Variants in TSBP1 observed in about 807,000 individuals in gnomAD.
TSBP1 encodes the protein testis-expressed basic protein 1.
TSBP1 carries 56 observed loss-of-function variants against 68.8 expected under a neutral mutation model. That is an observed-to-expected ratio of 0.81 (90% CI 0.66 to 1.02). TSBP1 has a LOEUF of 1.02. Among genes scored for constraint, TSBP1 ranks in the 50% least tolerant of loss-of-function variants. TSBP1 has a pLI of 0.00. For missense variants in TSBP1, 502 were observed against 641.2 expected (o/e 0.78, Z 2.34); for synonymous variants, 171 against 208.7 (o/e 0.82, Z 1.56).
chr6:32,310,761 A>ATATATTTTT lies in TSBP1; in HGVS notation c.580+5010_580+5011insAAAAATATA. Among the ~76,000 whole-genome samples the ATATATTTTT allele has an allele frequency of 1.7e-4, 25 of 144,834 alleles. No homozygotes were observed. The East Asian group carries it at 4.8e-3, about 28-fold the overall frequency. On this transcript the variant is annotated intron_variant, in intron 19 of 22. Coordinates refer to ENST00000612031, the Ensembl canonical transcript of TSBP1. ...TATATATACATATATATATATATAT[A>ATATATTTTT]TTTTTAATCTTTTTAGAAAGGATAG...
intron 6 of TSBP1, among the ~76,000 whole-genome samples, chr6:32,364,062 A>T (rs1773370086): frequency 6.6e-6 from 1 of 152,116 alleles, no homozygotes; most frequent in Non-Finnish European, 1.5e-5. Context: ...TCATCCCACT[A>T]TGTACTGGCC....
At position 32,292,913 on chromosome 6, in the gene TSBP1, A is replaced by G. The variant is rs1237176555; in HGVS notation, c.*68T>C. 3 of 911,780 alleles carry G rather than the reference A, an allele frequency of 3.3e-6. No individual in the cohort carries two copies. In the African/African-American group the frequency reaches 5.0e-5, roughly 15 times the overall value. 56.5% of individuals were successfully genotyped at this position (911,780 alleles called of 1,614,324 possible). ...AATCTGTTTAGGCAATGGCTGGGAT[A>G]TGGTTTGTATCTGGAGTATGGGAAT... On this transcript the variant is annotated 3_prime_UTR_variant, in exon 23 of 23. Transcript: ENST00000612031. This position sits in a 1 kb window ranked among gnomAD's most constrained non-coding sequence, Gnocchi z 4.1.
intron 9 of TSBP1, among the ~76,000 whole-genome samples, chr6:32,348,604 A>C (rs572898691): frequency 7.5e-4 from 111 of 147,572 alleles, no homozygotes; most frequent in Middle Eastern, 3.4e-3. Context: ...TTGGATTGGA[A>C]GAGTAAACAC....
intron 9 of TSBP1, among the ~76,000 whole-genome samples, chr6:32,344,371 T>A (rs1190303962): frequency 6.6e-6 from 1 of 150,872 alleles, no homozygotes; most frequent in Non-Finnish European, 1.5e-5. Flanking sequence ...ACTAAAGCCC[T>A]GTGTTCTTGG....
rs973036 is a variant in TSBP1 at position 32,337,366 on chromosome 6, C to A, written c.410-731G>T. ...CAGGCAGCGTTCCTTCCCCTTTCCCCACGGGTGTCCTGCTTGTATCTCAGG... is the reference window on the plus strand; with the variant it reads ...CAGGCAGCGTTCCTTCCCCTTTCCCAACGGGTGTCCTGCTTGTATCTCAGG... On this transcript the variant is annotated intron_variant, in intron 11 of 22. Coordinates refer to ENST00000612031, the Ensembl canonical transcript of TSBP1. This position sits in a 1 kb window ranked among gnomAD's most constrained non-coding sequence, Gnocchi z 5.5. Among the ~76,000 whole-genome samples the A allele has an allele frequency of 6.6e-6, 1 of 151,720 alleles. No homozygotes were observed. Among genetic ancestry groups the A allele is most frequent in the African/African-American group, 2.4e-5 (1 of 41,346 alleles).
intron 6 of TSBP1, among the ~76,000 whole-genome samples, chr6:32,356,245 C>A (rs1040253839): frequency 6.6e-6 from 1 of 152,076 alleles, no homozygotes. Flanking sequence ...ATCATAATAT[C>A]ATTTGCTATT....
chr6:32,353,436 A>G (rs1421692043), intron 8 of TSBP1, among the ~76,000 whole-genome samples: 3 of 151,962 alleles, frequency 2.0e-5, no homozygotes, highest in Non-Finnish European at 4.4e-5. Context: ...ATTGAAGGGT[A>G]TATGAGAAAA....
At chr6:32,330,124 A>T (rs3132958) in intron 16 of TSBP1, among the ~76,000 whole-genome samples, 1 of 151,712 alleles carries the variant, frequency 6.6e-6, no homozygotes, top group Non-Finnish European at 1.5e-5. Context: ...TTGGAGAGAA[A>T]ACTGTAGAAC....
intron 8 of TSBP1, 118 bp downstream of exon 8, chr6:32,355,006 G>A (rs1772122931): frequency 4.1e-6 from 3 of 731,034 alleles, no homozygotes. Context: ...TGATATACAA[G>A]TGTTAATTAT....
chr6:32,368,876 T>C, intron 2 of TSBP1, 62 bp from the exon 3 acceptor site: 1 of 1,542,706 alleles, frequency 6.5e-7, no homozygotes, highest in Admixed American at 1.9e-5. Flanking sequence ...CTTCCTCTGA[T>C]CAAACTCTTC....
chr6:32,351,291 A>C (rs1194542340), intron 8 of TSBP1, among the ~76,000 whole-genome samples: 1 of 152,148 alleles, frequency 6.6e-6, no homozygotes, highest in Non-Finnish European at 1.5e-5. Context: ...CTGTTCACTT[A>C]AGGTGGACTA....
At position 32,313,798 on chromosome 6, in the gene TSBP1, A is replaced by G. The variant is rs542891581; in HGVS notation, c.580+1974T>C. Among the ~76,000 whole-genome samples the G allele has an allele frequency of 3.9e-5, 6 of 152,302 alleles. No homozygotes were observed. The East Asian group carries it at 1.2e-3, about 29-fold the overall frequency. On this transcript the variant is annotated intron_variant, in intron 19 of 22. Transcript: ENST00000612031. The stretch of plus-strand genomic sequence containing the variant: ...CACACTGCATGGGTAGCACACCTCC[A>G]GCAGGGCTCTGCACCCTGGACAGAT...
chr6:32,322,584 G>C, intron 18 of TSBP1, 78 bp from the exon 20 acceptor site: 1 of 1,159,094 alleles, frequency 8.6e-7, no homozygotes. Context: ...ATATTTTGCT[G>C]GAGTCTGTGA....
chr6:32,345,852 G>A (rs1770950535), intron 9 of TSBP1, among the ~76,000 whole-genome samples: 1 of 152,156 alleles, frequency 6.6e-6, no homozygotes, highest in Admixed American at 6.5e-5. Context: ...TATCTCTCAA[G>A]AGGGCCTCAT....
chr6:32,293,800 C>A (rs753563883), exon 23 of TSBP1: 16 of 1,613,010 alleles, frequency 9.9e-6, no homozygotes, highest in Non-Finnish European at 1.4e-5. Context: ...CTACCTTGAC[C>A]TCCATTCCTA....
At chr6:32,327,283 ACC>A (rs1768331221) in intron 16 of TSBP1, among the ~76,000 whole-genome samples, 7 of 152,244 alleles carry the variant, frequency 4.6e-5, no homozygotes, top group African/African-American at 1.7e-4. Context: ...ATGGAACTTA[ACC>A]AGTCATTTCT....
intron 18 of TSBP1, 141 bp downstream of exon 20, chr6:32,322,345 G>A (rs1767724778): frequency 3.1e-6 from 2 of 647,248 alleles, no homozygotes; most frequent in Non-Finnish European, 5.6e-6. Context: ...GAATCAAAAA[G>A]GTTGACTTGC....
chr6:32,364,438 G>A (rs1356947470), intron 6 of TSBP1, among the ~76,000 whole-genome samples: 1 of 120,966 alleles, frequency 8.3e-6, no homozygotes, highest in African/African-American at 2.9e-5. Context: ...TTTGTACTCT[G>A]ACTAGATAAT....
intron 19 of TSBP1, among the ~76,000 whole-genome samples, chr6:32,310,761 A>ATATATATATTTTTTTTTT: frequency 6.9e-6 from 1 of 144,806 alleles, no homozygotes; most frequent in Admixed American, 6.9e-5. Context: ...ATATATATAT[A>ATATATATATTTTTTTTTT]TTTTTAATCT....
Sources: allele counts gnomAD v4.1 joint callset (sites outside exome capture counted in the v4.1 genomes callset), GRCh38; gene constraint gnomAD v4.1.1; non-coding constraint Gnocchi (gnomAD v3.1); transcripts MANE v1.5; gene names NCBI Gene and HGNC (gene_info 2026-07-23, HGNC 2026-07-21).